PDE4D: variants seen among roughly 807,000 people sequenced by gnomAD.
PDE4D encodes the protein phosphodiesterase 4D.
PDE4D carries 24 observed loss-of-function variants against 87.4 expected under a neutral mutation model. The ratio of observed to expected loss-of-function variants is 0.27; its 90% CI spans 0.20 to 0.39. The LOEUF (loss-of-function observed/expected upper bound fraction) is 0.39. PDE4D is among the 10% of genes least tolerant of loss of function. The pLI is 1.00. For synonymous variants in PDE4D, 384 were observed against 383.2 expected (o/e 1.00, Z -0.02); for missense variants, 714 against 1,041.0 (o/e 0.69, Z 4.32).
At chr5:59,808,462 A>C (rs1767982100) in intron 1 of PDE4D, among the ~76,000 whole-genome samples, 2 of 152,186 alleles carry the variant, frequency 1.3e-5, no homozygotes, top group Admixed American at 1.3e-4. Flanking sequence ...TAGGTGAGAA[A>C]GAGTATTTGT....
chr5:60,434,606 T>C (rs1416056702), intron 1 of PDE4D, among the ~76,000 whole-genome samples: 1 of 152,142 alleles, frequency 6.6e-6, no homozygotes, highest in Admixed American at 6.5e-5. Flanking sequence ...ACAACTTAGT[T>C]TTACTTGTTA....
chr5:59,284,314 G>T (rs1033260208), intron 1 of PDE4D, among the ~76,000 whole-genome samples: 6 of 152,080 alleles, frequency 3.9e-5, no homozygotes, highest in Non-Finnish European at 7.4e-5. Flanking sequence ...CTACTGGAAA[G>T]GATTGTTTTA....
chr5:59,371,566 C>T (rs752694773), intron 1 of PDE4D, among the ~76,000 whole-genome samples: 5 of 151,966 alleles, frequency 3.3e-5, no homozygotes, highest in East Asian at 1.9e-4. Context: ...GATCTTACTG[C>T]GATGTTAAAC....
At chr5:58,979,344 C>T (rs940555276) in intron 11 of PDE4D, among the ~76,000 whole-genome samples, 1 of 152,126 alleles carries the variant, frequency 6.6e-6, no homozygotes, top group Non-Finnish European at 1.5e-5. Flanking sequence ...GACTGGCAGG[C>T]CTCCATAGCC....
intron 1 of PDE4D, among the ~76,000 whole-genome samples, chr5:59,216,172 G>A (rs1751213415): frequency 6.6e-6 from 1 of 152,174 alleles, no homozygotes; most frequent in Non-Finnish European, 1.5e-5. Flanking sequence ...CCTGGATACT[G>A]TTGTTAACTG....
chr5:59,971,768 T>A (rs1183970725), intron 3 of PDE4D, among the ~76,000 whole-genome samples: 5 of 152,204 alleles, frequency 3.3e-5, no homozygotes, highest in Non-Finnish European at 5.9e-5. Context: ...TTACTACTAA[T>A]TTTACACCTA....
At chr5:59,437,051 A>T (rs1796894439) in intron 1 of PDE4D, among the ~76,000 whole-genome samples, 1 of 152,210 alleles carries the variant, frequency 6.6e-6, no homozygotes, top group Non-Finnish European at 1.5e-5. Context: ...ATCCAACAAA[A>T]GCCCTTAGCT....
intron 1 of PDE4D, among the ~76,000 whole-genome samples, chr5:59,892,835 GGT>G (rs1751156047): frequency 6.6e-6 from 1 of 151,782 alleles, no homozygotes; most frequent in Admixed American, 6.6e-5. Flanking sequence ...TAGCCAGGGT[GGT>G]ATGGAAGTGG....
chr5:59,043,866 T>C (rs1046329408), intron 5 of PDE4D, among the ~76,000 whole-genome samples: 9 of 152,166 alleles, frequency 5.9e-5, no homozygotes, highest in Non-Finnish European at 1.2e-4. Context: ...TCATCCATGT[T>C]CCTACAAAGG....
Position 59,795,984 on chromosome 5 carries a change from A to T in PDE4D, c.455+97184T>A, listed in dbSNP as rs544427796. ...TATCCAAGGAGAGAGGCCTGGAACA[A>T]ATCCTTGCCTCACGGTTCTCAGAAG... On this transcript the variant is annotated intron_variant, in intron 1 of 14. Transcript: ENST00000340635. Among the ~76,000 whole-genome samples the T allele has an allele frequency of 6.6e-4, 101 of 152,318 alleles. 3 individuals are homozygous for T. In the South Asian group the frequency reaches 0.02, roughly 31 times the overall value.
At chr5:59,404,477 G>A (rs1791261130) in intron 1 of PDE4D, among the ~76,000 whole-genome samples, 1 of 151,998 alleles carries the variant, frequency 6.6e-6, no homozygotes, top group African/African-American at 2.4e-5. Context: ...TGGCCAACAT[G>A]GCAAAACCCT....
chr5:60,365,610 T>C (rs1214776284), intron 1 of PDE4D, among the ~76,000 whole-genome samples: 1 of 152,152 alleles, frequency 6.6e-6, no homozygotes, highest in Non-Finnish European at 1.5e-5. Flanking sequence ...ACCTAAATTA[T>C]CAAGTTTCCC....
At chr5:59,028,589 C>T (rs1283710608) in intron 6 of PDE4D, among the ~76,000 whole-genome samples, 3 of 151,486 alleles carry the variant, frequency 2.0e-5, no homozygotes, top group East Asian at 3.9e-4. Context: ...GCCCAATTTA[C>T]GTTTGGTAAA....
At chr5:60,271,652 T>C (rs1750821451) in intron 1 of PDE4D, among the ~76,000 whole-genome samples, 1 of 152,170 alleles carries the variant, frequency 6.6e-6, no homozygotes, top group South Asian at 2.1e-4. Context: ...AAGACTTCCC[T>C]GCGCTAATCT....
chr5:60,007,277 CA>C (rs1490171306), intron 2 of PDE4D, among the ~76,000 whole-genome samples: 1 of 151,934 alleles, frequency 6.6e-6, no homozygotes, highest in Non-Finnish European at 1.5e-5. Flanking sequence ...GATAGAATAA[CA>C]AATCATGCCA....
intron 5 of PDE4D, among the ~76,000 whole-genome samples, chr5:59,054,016 T>A (rs538793161): frequency 6.6e-6 from 1 of 152,306 alleles, no homozygotes; most frequent in South Asian, 2.1e-4. Flanking sequence ...ATTTATTCAA[T>A]GAATAAATTA....
rs1164600167 is a variant in PDE4D at position 59,590,595 on chromosome 5, G to A, written c.455+302573C>T. On this transcript the variant is annotated intron_variant, in intron 1 of 14. Coordinates refer to ENST00000340635, the MANE Select transcript of PDE4D (RefSeq NM_001104631.2). ...CCCCATTATTTTTATCAATACAGGA[G>A]TGCGAATTATTAGCAGGGCACCACA... Among the ~76,000 whole-genome samples the A allele has an allele frequency of 2.6e-5, 4 of 152,110 alleles. No homozygotes were observed. In the East Asian group the frequency reaches 5.8e-4, roughly 22 times the overall value.
intron 1 of PDE4D, among the ~76,000 whole-genome samples, chr5:59,759,912 A>T (rs1034557986): frequency 6.6e-6 from 1 of 152,232 alleles, no homozygotes; most frequent in Non-Finnish European, 1.5e-5. Flanking sequence ...CAGAGAAAAG[A>T]TAACCTTAAA....
intron 1 of PDE4D, among the ~76,000 whole-genome samples, chr5:60,298,782 C>T (rs1169678845): frequency 3.3e-5 from 5 of 152,124 alleles, no homozygotes; most frequent in Non-Finnish European, 7.4e-5. Context: ...TCTATACGAC[C>T]TTTGCAAATC....
Sources: gnomAD v4.1 joint callset for allele counts (sites outside exome capture counted in the v4.1 genomes callset) on GRCh38, gnomAD v4.1.1 for gene constraint, MANE v1.5 for transcripts, NCBI Gene and HGNC (gene_info 2026-07-23, HGNC 2026-07-21) for gene names.